The following DYM variants were observed in gnomAD, a reference collection of about 807,000 sequenced individuals.
The protein encoded by DYM is dyggve-Melchior-Clausen syndrome protein.
DYM carries 78 observed loss-of-function variants against 93.1 expected under a neutral mutation model. The observed-to-expected ratio is 0.84, with a 90% CI of 0.70 to 1.01. DYM has a LOEUF of 1.01. DYM is among the 50% of genes least tolerant of loss of function. The probability of loss-of-function intolerance (pLI) is 0.00; values close to 1 mark genes in which losing one functional copy is unlikely to be tolerated. For synonymous variants in DYM, 321 were observed against 319.7 expected (o/e 1.00, Z -0.04); for missense variants, 789 against 845.0 (o/e 0.93, Z 0.82).
intron 13 of DYM, among the ~76,000 whole-genome samples, chr18:49,241,775 G>A (rs1329502722): frequency 3.9e-5 from 6 of 152,156 alleles, no homozygotes; most frequent in Admixed American, 2.0e-4. Flanking sequence ...GATATCTGCC[G>A]AAGGTAGGGG....
At chr18:49,062,529 G>A (rs967525479) in intron 17 of DYM, among the ~76,000 whole-genome samples, 13 of 152,328 alleles carry the variant, frequency 8.5e-5, no homozygotes, top group African/African-American at 2.9e-4. Context: ...AAAACCACGA[G>A]CCCTTAAGAT....
At chr18:49,296,611 T>C (rs2060583391) in intron 8 of DYM, among the ~76,000 whole-genome samples, 1 of 152,102 alleles carries the variant, frequency 6.6e-6, no homozygotes, top group African/African-American at 2.4e-5. Context: ...TGGGGGGAAA[T>C]AGTTCAGAGA....
intron 2 of DYM, among the ~76,000 whole-genome samples, chr18:49,419,038 G>A (rs1033106788): frequency 3.9e-5 from 6 of 152,048 alleles, no homozygotes; most frequent in Non-Finnish European, 8.8e-5. Context: ...CCCTTTATAC[G>A]TTTCTCTTAA....
intron 11 of DYM, among the ~76,000 whole-genome samples, chr18:49,266,695 G>C (rs1255616641): frequency 6.6e-6 from 1 of 152,188 alleles, no homozygotes; most frequent in African/African-American, 2.4e-5. Flanking sequence ...GAATGAGTAT[G>C]ATCATTTACA....
At chr18:49,253,755 T>C (rs2094336359) in intron 13 of DYM, among the ~76,000 whole-genome samples, 1 of 152,224 alleles carries the variant, frequency 6.6e-6, no homozygotes, top group South Asian at 2.1e-4. Flanking sequence ...TATCATCTGC[T>C]CAAACAGGTG....
chr18:49,180,055 T>C lies in DYM; in HGVS notation c.1626-16268A>G, dbSNP rs530784262. Among the ~76,000 whole-genome samples the C allele has an allele frequency of 1.4e-4, 21 of 152,234 alleles. No homozygotes were observed. In the South Asian group the frequency reaches 3.9e-3, roughly 29 times the overall value. ...TAGATGTATTTAATTATTTGTCAAG[T>C]GATCTGTTGTATGGAAAAACCTAAC... is the stretch of plus-strand genomic sequence containing the variant. On this transcript the variant is annotated intron_variant, in intron 14 of 17. Coordinates refer to ENST00000675505, the MANE Select transcript of DYM (RefSeq NM_001353214.3).
intron 1 of DYM, among the ~76,000 whole-genome samples, chr18:49,433,655 G>T (rs188501211): frequency 6.6e-6 from 1 of 152,142 alleles, no homozygotes; most frequent in Admixed American, 6.5e-5. Context: ...ATCACTTAAG[G>T]CCAGAAGTTC....
intron 1 of DYM, among the ~76,000 whole-genome samples, chr18:49,456,393 G>A (rs928081111): frequency 2.8e-4 from 43 of 152,282 alleles, no homozygotes; most frequent in African/African-American, 1.0e-3. Flanking sequence ...TATTCTGGGT[G>A]GAGGGTTGCA....
chr18:49,118,350 T>C (rs2082092591), intron 16 of DYM, among the ~76,000 whole-genome samples: 1 of 152,168 alleles, frequency 6.6e-6, no homozygotes, highest in Admixed American at 6.5e-5. Flanking sequence ...TCATTCATTA[T>C]GAATTGATAT....
chr18:49,292,339 GACA>G (rs2060176442), intron 8 of DYM, among the ~76,000 whole-genome samples: 2 of 93,476 alleles, frequency 2.1e-5, no homozygotes, highest in African/African-American at 4.1e-5. Context: ...CAGGCAGGCA[GACA>G]GACAGACAGA....
intron 6 of DYM, among the ~76,000 whole-genome samples, chr18:49,337,559 C>G (rs1467557233): frequency 6.6e-6 from 1 of 152,146 alleles, no homozygotes; most frequent in Non-Finnish European, 1.5e-5. Context: ...GTCGATGGAT[C>G]CTGCCTGAGA....
chr18:49,043,707 C>G lies in DYM; in HGVS notation c.*348G>C, dbSNP rs1411988934. 8 of 318,942 alleles carry G rather than the reference C, an allele frequency of 2.5e-5. No individual in the cohort carries two copies. The highest frequency in any genetic ancestry group is 4.6e-5 in the Admixed American group (1 of 21,654). The allele number at this position is 318,942 out of a possible 1,614,324, so 19.8% of individuals were successfully genotyped here. On this transcript the variant is annotated 3_prime_UTR_variant, in exon 18 of 18. Coordinates refer to ENST00000675505, the MANE Select transcript of DYM (RefSeq NM_001353214.3). Reference sequence around the variant, plus strand: ...AGTGTGCACTGTTGAATAGTGTGCACTGTTGGATAGTGTGCACTGTTGAAG... The same window carrying G: ...AGTGTGCACTGTTGAATAGTGTGCAGTGTTGGATAGTGTGCACTGTTGAAG...
chr18:49,091,441 C>A (rs998344789), intron 17 of DYM, among the ~76,000 whole-genome samples: 3 of 152,108 alleles, frequency 2.0e-5, no homozygotes, highest in Non-Finnish European at 4.4e-5. Flanking sequence ...ACTTGAAGGA[C>A]ATGCAGGAAT....
At chr18:49,355,459 G>A (rs1296846298) in intron 6 of DYM, among the ~76,000 whole-genome samples, 1 of 151,658 alleles carries the variant, frequency 6.6e-6, no homozygotes, top group Non-Finnish European at 1.5e-5. Context: ...CACATTGACA[G>A]ATACAATAGA....
At chr18:49,339,283 A>G (rs938360596) in intron 6 of DYM, among the ~76,000 whole-genome samples, 6 of 152,244 alleles carry the variant, frequency 3.9e-5, no homozygotes, top group African/African-American at 1.4e-4. Flanking sequence ...CCACAGAGAT[A>G]TGTCTGAGAA....
At chr18:49,080,150 C>CGG (rs749381960) in intron 17 of DYM, among the ~76,000 whole-genome samples, 412 of 10,130 alleles carry the variant, frequency 0.041, 145 homozygotes, top group African/African-American at 0.17. Context: ...GGCGGCTGGC[C>CGG]GGGGGGGGGC....
Position 49,378,659 on chromosome 18 carries a change from A to T in DYM, c.329T>A (p.Ile110Asn), listed in dbSNP as rs1359728066. 1 of 1,613,306 alleles carries T rather than the reference A, an allele frequency of 6.2e-7. No individual in the cohort carries two copies. Among genetic ancestry groups the T allele is most frequent in the African/African-American group, 1.3e-5 (1 of 74,908 alleles). The stretch of plus-strand genomic sequence containing the variant: ...GATGAACACTTTCAGCAAACAGCAA[A>T]TAATAAACAAAGCATTGTGTGTCTG... The part of the protein sequence containing the change: ...IWQTHNALFI[I>N]CCLLKVFICQ... The change falls in exon 5 of 18, where the codon ATT (isoleucine) becomes AAT (asparagine). Residue 110 changes from isoleucine (I) to asparagine (N), a missense_variant. By Grantham distance (149) the Ile-to-Asn change is moderately radical. This residue lies in a region of DYM where 450 missense variants were observed against 436.2 expected (regional missense o/e 1.03). Coordinates refer to ENST00000675505, the MANE Select transcript of DYM (RefSeq NM_001353214.3).
chr18:49,454,907 CAAAAAAAAAAAAA>C, intron 1 of DYM, among the ~76,000 whole-genome samples: 1 of 73,228 alleles, frequency 1.4e-5, no homozygotes, highest in Non-Finnish European at 2.6e-5. Flanking sequence ...GACTCTGTCT[CAAAAAAAAAAAAA>C]AAAAAAAAAA....
chr18:49,234,909 T>C (rs1225308539), intron 13 of DYM, among the ~76,000 whole-genome samples: 1 of 152,098 alleles, frequency 6.6e-6, no homozygotes, highest in African/African-American at 2.4e-5. Flanking sequence ...GGGGCCCACA[T>C]GTAAGGACCA....
Sources: allele counts gnomAD v4.1 joint callset (sites outside exome capture counted in the v4.1 genomes callset), GRCh38; gene constraint gnomAD v4.1.1; regional missense constraint gnomAD v4.1.1; transcripts MANE v1.5; gene names NCBI Gene and HGNC (gene_info 2026-07-23, HGNC 2026-07-21).